TMEM132D: variants seen among roughly 807,000 people sequenced by gnomAD.
TMEM132D encodes the protein mature OL transmembrane protein.
A neutral mutation model predicts 62.3 loss-of-function variants in TMEM132D; 21 were observed. That is an observed-to-expected ratio of 0.34 (90% CI 0.24 to 0.49). TMEM132D has a LOEUF of 0.49. Ranked by LOEUF, TMEM132D falls within the 20% of genes least tolerant of loss-of-function variation. TMEM132D has a pLI of 0.99. For synonymous variants in TMEM132D, 621 were observed against 575.6 expected, an observed-to-expected ratio of 1.08 and a Z score of -1.13; for missense variants, 1,346 against 1,402.8, an observed-to-expected ratio of 0.96 and a Z score of 0.65.
chr12:129,461,521 C>T (rs1305126702), intron 3 of TMEM132D, among the ~76,000 whole-genome samples: 1 of 152,020 alleles, frequency 6.6e-6, no homozygotes, highest in Non-Finnish European at 1.5e-5. Flanking sequence ...ATTATTTTTC[C>T]TTGTATCACA....
At chr12:129,672,696 T>C (rs554049785) in intron 2 of TMEM132D, among the ~76,000 whole-genome samples, 1 of 152,304 alleles carries the variant, frequency 6.6e-6, no homozygotes, top group South Asian at 2.1e-4. Context: ...ACAATCTACA[T>C]ATGTGCATAT....
chr12:129,301,723 C>T (rs1192970238), intron 4 of TMEM132D, among the ~76,000 whole-genome samples: 1 of 152,136 alleles, frequency 6.6e-6, no homozygotes, highest in Non-Finnish European at 1.5e-5. Flanking sequence ...AGCCACCCTC[C>T]TCCCCAAGTC....
chr12:129,239,498 A>C (rs531058092), intron 4 of TMEM132D, among the ~76,000 whole-genome samples: 1 of 152,336 alleles, frequency 6.6e-6, no homozygotes, highest in South Asian at 2.1e-4. Flanking sequence ...GATATGTGCA[A>C]GTTCTAACCC....
At chr12:129,413,703 G>T (rs1282039159) in intron 3 of TMEM132D, among the ~76,000 whole-genome samples, 2 of 152,120 alleles carry the variant, frequency 1.3e-5, no homozygotes, top group Non-Finnish European at 2.9e-5. Context: ...CTGTGTGCCA[G>T]GTACTTTGCA....
chr12:129,553,548 C>T (rs182813304), intron 2 of TMEM132D, among the ~76,000 whole-genome samples: 2 of 152,270 alleles, frequency 1.3e-5, no homozygotes, highest in Admixed American at 6.5e-5. Flanking sequence ...GGAGAGGGAG[C>T]GTGGATACCA....
At chr12:129,451,662 T>G (rs571398757) in intron 3 of TMEM132D, among the ~76,000 whole-genome samples, 1 of 152,312 alleles carries the variant, frequency 6.6e-6, no homozygotes, top group South Asian at 2.1e-4. Context: ...CACAGAGGCA[T>G]GCCCAAATTG....
rs539795956 is a variant in TMEM132D at position 129,716,088 on chromosome 12, C to T, written c.80-15390G>A. Among the ~76,000 whole-genome samples, 103 of 152,300 alleles carry T rather than the reference C, an allele frequency of 6.8e-4. No homozygotes were observed. The South Asian group carries it at 0.021, about 30-fold the overall frequency. ...ATAAATCTCACTTTTTCACGTGCAT[C>T]GTCCTAAAGTCTCCTAACTCCAGAG... On this transcript the variant is annotated intron_variant, in intron 1 of 8. Coordinates refer to ENST00000422113, the MANE Select transcript of TMEM132D (RefSeq NM_133448.3).
At chr12:129,787,204 C>A (rs570668306) in intron 1 of TMEM132D, among the ~76,000 whole-genome samples, 49 of 152,266 alleles carry the variant, frequency 3.2e-4, no homozygotes, top group Non-Finnish European at 3.1e-4. Flanking sequence ...TCTGTTTTGA[C>A]CCTTAATTTA....
intron 3 of TMEM132D, among the ~76,000 whole-genome samples, chr12:129,339,755 G>A (rs7978744): frequency 0.14 from 20,741 of 152,150 alleles, 1,861 homozygotes; most frequent in Non-Finnish European, 0.2. Flanking sequence ...GATAATCTCC[G>A]TCTCCGAGTC....
chr12:129,262,183 T>A (rs1237102627), intron 4 of TMEM132D, among the ~76,000 whole-genome samples: 2 of 152,216 alleles, frequency 1.3e-5, no homozygotes, highest in Non-Finnish European at 2.9e-5. Flanking sequence ...TATACGTCAG[T>A]TAATTTCTTA....
chr12:129,636,062 T>C (rs1437157556), intron 2 of TMEM132D, among the ~76,000 whole-genome samples: 1 of 152,218 alleles, frequency 6.6e-6, no homozygotes, highest in Non-Finnish European at 1.5e-5. Context: ...TGGGTTAAAA[T>C]AAGTATTTGT....
chr12:129,345,341 AG>A (rs1162332684), intron 3 of TMEM132D, among the ~76,000 whole-genome samples: 1 of 152,170 alleles, frequency 6.6e-6, no homozygotes, highest in African/African-American at 2.4e-5. Context: ...ACAATCTCGC[AG>A]GTTTGGAACT....
intron 1 of TMEM132D, among the ~76,000 whole-genome samples, chr12:129,785,586 T>C (rs1242665709): frequency 6.6e-6 from 1 of 152,168 alleles, no homozygotes; most frequent in African/African-American, 2.4e-5. Context: ...ACAGAGTCTG[T>C]TTAGATTTAC....
At chr12:129,868,378 C>A (rs1874129440) in intron 1 of TMEM132D, among the ~76,000 whole-genome samples, 1 of 152,148 alleles carries the variant, frequency 6.6e-6, no homozygotes. Flanking sequence ...AATTATACCA[C>A]AACAAAATTG....
chr12:129,209,970 C>A, intron 4 of TMEM132D: 1 of 308,936 alleles, frequency 3.2e-6, no homozygotes, highest in Non-Finnish European at 6.1e-6. Flanking sequence ...CTTGTAAGTG[C>A]TTTACAAATA....
intron 2 of TMEM132D, among the ~76,000 whole-genome samples, chr12:129,699,575 G>A (rs942321374): frequency 9.2e-5 from 14 of 152,186 alleles, no homozygotes; most frequent in African/African-American, 2.4e-4. Context: ...GCAGCCCCCC[G>A]GCTGCCCTAT....
At chr12:129,081,256 T>C (rs1364712909) in intron 7 of TMEM132D, among the ~76,000 whole-genome samples, 3 of 152,214 alleles carry the variant, frequency 2.0e-5, no homozygotes, top group Admixed American at 6.5e-5. Context: ...CTATAAGTAA[T>C]ATGTGAGGAA....
intron 3 of TMEM132D, among the ~76,000 whole-genome samples, chr12:129,434,866 A>T (rs1267703932): frequency 6.6e-6 from 1 of 152,082 alleles, no homozygotes; most frequent in African/African-American, 2.4e-5. Flanking sequence ...ACACTACACT[A>T]TTGTTAACTA....
At chr12:129,778,134 A>AC (rs1224001764) in intron 1 of TMEM132D, among the ~76,000 whole-genome samples, 1 of 151,590 alleles carries the variant, frequency 6.6e-6, no homozygotes, top group Non-Finnish European at 1.5e-5. Context: ...AAAAAAAAAA[A>AC]AATCACTCTT....
Sources: allele counts gnomAD v4.1 joint callset (sites outside exome capture counted in the v4.1 genomes callset), GRCh38; gene constraint gnomAD v4.1.1; transcripts MANE v1.5; gene names NCBI Gene and HGNC (gene_info 2026-07-23, HGNC 2026-07-21).